PRKCB: variants seen among roughly 807,000 people sequenced by gnomAD.
The protein encoded by PRKCB is protein kinase C beta, also known as protein kinase C beta type.
PRKCB carries 13 observed loss-of-function variants against 81.5 expected under a neutral mutation model. That is an observed-to-expected ratio of 0.16 (90% CI 0.10 to 0.25). The LOEUF is 0.25. Among genes scored for constraint, PRKCB ranks in the 10% least tolerant of loss-of-function variants. PRKCB has a pLI of 1.00. For synonymous variants in PRKCB, 335 were observed against 321.4 expected, an observed-to-expected ratio of 1.04 and a Z score of -0.45; for missense variants, 509 against 875.7, an observed-to-expected ratio of 0.58 and a Z score of 5.29.
intron 2 of PRKCB, among the ~76,000 whole-genome samples, chr16:23,940,182 A>G (rs909571831): frequency 2.0e-5 from 3 of 152,194 alleles, no homozygotes; most frequent in Non-Finnish European, 4.4e-5. Flanking sequence ...AAAATGAAAA[A>G]TAATGGTAAT....
chr16:23,982,222 G>C (rs1271494279), intron 2 of PRKCB, among the ~76,000 whole-genome samples: 30 of 1,756 alleles, frequency 0.017, no homozygotes, highest in South Asian at 0.062. Flanking sequence ...CCTTCCCTTC[G>C]CCTTCCCTTC....
At chr16:24,132,122 C>T (rs1421003478) in intron 9 of PRKCB, among the ~76,000 whole-genome samples, 1 of 152,140 alleles carries the variant, frequency 6.6e-6, no homozygotes, top group East Asian at 1.9e-4. Context: ...GATTTTCTAC[C>T]TTCATTTCCT....
chr16:24,213,398 C>T (rs2141995022), intron 16 of PRKCB, among the ~76,000 whole-genome samples: 2 of 152,240 alleles, frequency 1.3e-5, no homozygotes, highest in South Asian at 4.2e-4. Context: ...GTTCATCTTG[C>T]TCTGCTATTG....
At chr16:23,896,573 A>G (rs1963382730) in intron 2 of PRKCB, among the ~76,000 whole-genome samples, 1 of 152,166 alleles carries the variant, frequency 6.6e-6, no homozygotes, top group South Asian at 2.1e-4. Flanking sequence ...CTATTTAGCA[A>G]GTTTAATGAG....
At chr16:24,175,125 T>C (rs551524572) in intron 12 of PRKCB, among the ~76,000 whole-genome samples, 1 of 152,218 alleles carries the variant, frequency 6.6e-6, no homozygotes, top group South Asian at 2.1e-4. Context: ...TTATATTTCA[T>C]GCAAGGCAGA....
intron 2 of PRKCB, among the ~76,000 whole-genome samples, chr16:23,982,037 C>CCCCTTCCCTT (rs1567333844): frequency 2.0e-4 from 5 of 24,482 alleles, no homozygotes; most frequent in South Asian, 5.9e-3. Context: ...CCTTTCCCTT[C>CCCCTTCCCTT]ACCTTCCCCT....
At chr16:23,855,671 T>A (rs1446536099) in intron 2 of PRKCB, among the ~76,000 whole-genome samples, 1 of 152,168 alleles carries the variant, frequency 6.6e-6, no homozygotes, top group Non-Finnish European at 1.5e-5. Context: ...GGGAACAACA[T>A]CTATAAGGGA....
chr16:24,165,883 C>CTTTTTTTTTTTTTT (rs71154285), intron 10 of PRKCB, among the ~76,000 whole-genome samples: 239 of 93,964 alleles, frequency 2.5e-3, no homozygotes, highest in Non-Finnish European at 3.6e-3. Flanking sequence ...TTCTTTCTTT[C>CTTTTTTTTTTTTTT]TTTTTTTTTT....
chr16:24,144,975 G>A (rs1029152181), intron 9 of PRKCB, among the ~76,000 whole-genome samples: 9 of 152,164 alleles, frequency 5.9e-5, no homozygotes, highest in South Asian at 2.1e-4. Context: ...TATAATGCCC[G>A]TGTGGTAAGT....
At chr16:23,857,821 G>T (rs1383002499) in intron 2 of PRKCB, among the ~76,000 whole-genome samples, 1 of 152,136 alleles carries the variant, frequency 6.6e-6, no homozygotes, top group Admixed American at 6.5e-5. Flanking sequence ...TTTCCTGGAT[G>T]TCTTCAAAGA....
At chr16:24,188,404 A>G (rs1481987680) in intron 15 of PRKCB, among the ~76,000 whole-genome samples, 1 of 152,206 alleles carries the variant, frequency 6.6e-6, no homozygotes, top group African/African-American at 2.4e-5. Flanking sequence ...CTTCGGGCAC[A>G]TTAGAGCAGA....
At chr16:24,109,358 C>T (rs1325881328) in intron 7 of PRKCB, among the ~76,000 whole-genome samples, 55 of 94,052 alleles carry the variant, frequency 5.8e-4, no homozygotes, top group African/African-American at 7.7e-4. Context: ...GACGGGGCGG[C>T]TGCTAGGCGG....
intron 9 of PRKCB, among the ~76,000 whole-genome samples, chr16:24,154,321 A>G (rs1386209177): frequency 1.3e-5 from 2 of 152,132 alleles, no homozygotes; most frequent in Non-Finnish European, 2.9e-5. Context: ...TACAAAAAAT[A>G]AAAAATAAAA....
At chr16:23,870,013 C>T (rs1030318463) in intron 2 of PRKCB, among the ~76,000 whole-genome samples, 1 of 135,384 alleles carries the variant, frequency 7.4e-6, no homozygotes, top group Non-Finnish European at 1.6e-5. Context: ...CAGAGTGAGA[C>T]TCCATCTGAA....
At chr16:23,964,198 G>T (rs1964459111) in intron 2 of PRKCB, among the ~76,000 whole-genome samples, 1 of 152,230 alleles carries the variant, frequency 6.6e-6, no homozygotes, top group East Asian at 1.9e-4. Flanking sequence ...CATGGCTGAT[G>T]TAGCTGGCAG....
At chr16:23,881,985 T>TCTTC (rs1963117370) in intron 2 of PRKCB, among the ~76,000 whole-genome samples, 1 of 23,638 alleles carries the variant, frequency 4.2e-5, no homozygotes, top group Non-Finnish European at 9.6e-5. Context: ...TTTCTTTCTT[T>TCTTC]CTTTCTTTCT....
intron 5 of PRKCB, among the ~76,000 whole-genome samples, chr16:24,062,901 C>A (rs986098641): frequency 3.2e-4 from 49 of 152,030 alleles, no homozygotes; most frequent in Non-Finnish European, 5.9e-4. Flanking sequence ...CTGACTCCTT[C>A]AGAGTGCATG....
intron 2 of PRKCB, among the ~76,000 whole-genome samples, chr16:23,949,604 C>T (rs564350718): frequency 6.6e-6 from 1 of 152,260 alleles, no homozygotes; most frequent in South Asian, 2.1e-4. Flanking sequence ...AACAATTCAA[C>T]CAATATTTAT....
intron 5 of PRKCB, among the ~76,000 whole-genome samples, chr16:24,053,071 A>T (rs1337324881): frequency 5.3e-5 from 8 of 152,082 alleles, no homozygotes; most frequent in Admixed American, 5.2e-4. Context: ...TCATTTCACT[A>T]TTTCATGGCT....
Sources: gnomAD v4.1 joint callset for allele counts (sites outside exome capture counted in the v4.1 genomes callset) on GRCh38, gnomAD v4.1.1 for gene constraint, MANE v1.5 for transcripts, NCBI Gene and HGNC (gene_info 2026-07-23, HGNC 2026-07-21) for gene names.